PCBP3: variants seen among roughly 807,000 people sequenced by gnomAD.
PCBP3 encodes poly(rC)-binding protein 3.
Under a neutral mutation model 52.7 loss-of-function variants are expected in PCBP3, and 25 were observed. That is an observed-to-expected ratio of 0.47 (90% CI 0.35 to 0.66). The LOEUF (loss-of-function observed/expected upper bound fraction) is 0.66. Ranked by LOEUF, PCBP3 falls within the 30% of genes least tolerant of loss-of-function variation. The probability of loss-of-function intolerance (pLI) is 0.01; values close to 1 mark genes in which losing one functional copy is unlikely to be tolerated. For missense variants in PCBP3, 391 were observed against 490.3 expected, an observed-to-expected ratio of 0.80 and a Z score of 1.91; for synonymous variants, 162 against 183.0, an observed-to-expected ratio of 0.89 and a Z score of 0.93.
chr21:45,853,535 G>A lies in PCBP3; in HGVS notation c.10+3440G>A, dbSNP rs2094136464. ...CGGGCCCCAGCGACAGAATTTTCTG[G>A]GGTTTCAATACCCTCTGCAGGTTTC... On this transcript the variant is annotated intron_variant, in intron 5 of 17. Transcript: ENST00000681687. This position sits in a 1 kb window ranked among gnomAD's most constrained non-coding sequence, Gnocchi z 4.6. Among the ~76,000 whole-genome samples, 1 of 152,198 alleles carries A rather than the reference G, an allele frequency of 6.6e-6. No homozygotes were observed. Among genetic ancestry groups the A allele is most frequent in the African/African-American group, 2.4e-5 (1 of 41,446 alleles).
chr21:45,838,538 AAAG>A (rs1257808353), intron 4 of PCBP3, among the ~76,000 whole-genome samples: 1 of 152,162 alleles, frequency 6.6e-6, no homozygotes, highest in Non-Finnish European at 1.5e-5. Flanking sequence ...TGTAATTTTA[AAAG>A]AAGAGAAAAT....
chr21:45,844,643 C>G (rs1016332521), intron 4 of PCBP3, among the ~76,000 whole-genome samples: 1 of 151,946 alleles, frequency 6.6e-6, no homozygotes, highest in Admixed American at 6.5e-5. Flanking sequence ...ACAAGGGCAG[C>G]GTGGCTTCCT....
intron 4 of PCBP3, among the ~76,000 whole-genome samples, chr21:45,795,485 AG>A (rs1348404207): frequency 1.3e-5 from 2 of 152,192 alleles, no homozygotes; most frequent in Non-Finnish European, 2.9e-5. Flanking sequence ...GATAGCCAAA[AG>A]TAACCCAGGC....
intron 15 of PCBP3, among the ~76,000 whole-genome samples, chr21:45,932,690 A>T (rs889033389): frequency 6.6e-6 from 1 of 151,742 alleles, no homozygotes; most frequent in Admixed American, 6.6e-5. Flanking sequence ...CACCTGGGCC[A>T]TGCCATCCTG....
At chr21:45,799,654 G>C (rs1006049814) in intron 4 of PCBP3, among the ~76,000 whole-genome samples, 3 of 152,100 alleles carry the variant, frequency 2.0e-5, no homozygotes, top group Admixed American at 1.3e-4. Flanking sequence ...CTGTGACCCC[G>C]GTGTCACAGG....
intron 16 of PCBP3, 21 bp from the exon 17 acceptor site, chr21:45,940,009 T>TCC (rs748716713): frequency 1.2e-6 from 2 of 1,607,288 alleles, no homozygotes; most frequent in Non-Finnish European, 1.7e-6. Flanking sequence ...CTCTAAGAAA[T>TCC]CCCCCCGTCC....
chr21:45,814,920 A>G (rs1335542499), intron 4 of PCBP3, among the ~76,000 whole-genome samples: 1 of 84,332 alleles, frequency 1.2e-5, no homozygotes, highest in Non-Finnish European at 2.3e-5. Flanking sequence ...GTGAGTGATG[A>G]GTGAGTGGTG....
intron 4 of PCBP3, among the ~76,000 whole-genome samples, chr21:45,848,933 G>C (rs1265546385): frequency 1.3e-5 from 2 of 152,178 alleles, no homozygotes; most frequent in African/African-American, 4.8e-5. Context: ...GGATTTTCCT[G>C]CACTAGCAGT....
intron 4 of PCBP3, among the ~76,000 whole-genome samples, chr21:45,790,139 C>CA (rs765381630): frequency 1.4e-4 from 21 of 150,068 alleles, no homozygotes; most frequent in Admixed American, 9.3e-4. Context: ...GACTCCGTCT[C>CA]AAAAAAAAAG....
At chr21:45,694,743 T>C (rs995484522) in intron 2 of PCBP3, among the ~76,000 whole-genome samples, 2 of 152,148 alleles carry the variant, frequency 1.3e-5, no homozygotes, top group South Asian at 4.2e-4. Context: ...TCAAAAGAAC[T>C]TCTAGAAATA....
At chr21:45,825,957 A>C (rs1321358085) in intron 4 of PCBP3, among the ~76,000 whole-genome samples, 1 of 152,222 alleles carries the variant, frequency 6.6e-6, no homozygotes, top group Non-Finnish European at 1.5e-5. Context: ...AGAAAAAAAT[A>C]TATAACTAAA....
intron 4 of PCBP3, among the ~76,000 whole-genome samples, chr21:45,820,906 T>A (rs1312564132): frequency 6.6e-6 from 1 of 151,852 alleles, no homozygotes; most frequent in Admixed American, 6.6e-5. Context: ...CTCAGGACCC[T>A]GCGGGATACA....
intron 5 of PCBP3, among the ~76,000 whole-genome samples, chr21:45,884,867 A>G (rs1421819754): frequency 6.6e-6 from 1 of 152,238 alleles, no homozygotes; most frequent in East Asian, 1.9e-4. Flanking sequence ...ACTGTCCCTC[A>G]TTTATGATGT....
intron 4 of PCBP3, among the ~76,000 whole-genome samples, chr21:45,806,504 A>G (rs993701279): frequency 9.2e-5 from 14 of 151,378 alleles, no homozygotes; most frequent in Non-Finnish European, 4.4e-5. Flanking sequence ...CCCTTTTCTT[A>G]TCTCGTATTT....
intron 2 of PCBP3, among the ~76,000 whole-genome samples, chr21:45,681,777 G>T (rs746636680): frequency 4.2e-4 from 64 of 152,164 alleles, no homozygotes; most frequent in Non-Finnish European, 6.8e-4. Flanking sequence ...GATGAATTCA[G>T]AAATTTTTCC....
In PCBP3 at chr21:45,817,729, TC is replaced by T. The variant is rs1220241179; in HGVS notation, c.-125-32230del. On this transcript the variant is annotated intron_variant, in intron 4 of 17. Transcript: ENST00000681687. This position sits in a 1 kb window ranked among gnomAD's most constrained non-coding sequence, Gnocchi z 4.3. ...CGAACACACTTGCTTCTTATTTCTG[TC>T]CAATTCTTAAGGTTTTTACTGTGGG... 2.6e-5 allele frequency among the ~76,000 whole-genome samples: 4 copies of T among 152,238 alleles called. No individual in the cohort carries two copies. The highest frequency in any genetic ancestry group is 9.6e-5 in the African/African-American group (4 of 41,458).
At chr21:45,920,586 CAGTATT>C (rs1276670440) in intron 13 of PCBP3, among the ~76,000 whole-genome samples, 1 of 152,154 alleles carries the variant, frequency 6.6e-6, no homozygotes, top group Non-Finnish European at 1.5e-5. Flanking sequence ...ACCAAGGTGA[CAGTATT>C]AGAGGGTGGG....
chr21:45,790,349 C>A (rs2091456482), intron 4 of PCBP3, among the ~76,000 whole-genome samples: 1 of 151,956 alleles, frequency 6.6e-6, no homozygotes, highest in Non-Finnish European at 1.5e-5. Flanking sequence ...GGCTCTAGGC[C>A]CGATTAGCAG....
intron 4 of PCBP3, among the ~76,000 whole-genome samples, chr21:45,841,814 A>T (rs2093705333): frequency 6.6e-6 from 1 of 152,220 alleles, no homozygotes; most frequent in Non-Finnish European, 1.5e-5. Context: ...TCTCTCTGTT[A>T]TTACGGTGAA....
Sources: allele counts gnomAD v4.1 joint callset (sites outside exome capture counted in the v4.1 genomes callset), GRCh38; gene constraint gnomAD v4.1.1; non-coding constraint Gnocchi (gnomAD v3.1); transcripts MANE v1.5; gene names NCBI Gene and HGNC (gene_info 2026-07-23, HGNC 2026-07-21).